The following PI4KA variants were observed in gnomAD, a reference collection of about 807,000 sequenced individuals.
PI4KA encodes phosphatidylinositol 4-kinase alpha, also known as PI4-kinase alpha.
Under a neutral mutation model 271.4 loss-of-function variants are expected in PI4KA, and 122 were observed. That is an observed-to-expected ratio of 0.45 (90% CI 0.39 to 0.52). The LOEUF is 0.52. PI4KA is among the 20% of genes least tolerant of loss of function. PI4KA has a pLI of 0.00. For synonymous variants in PI4KA, 1,041 were observed against 1,078.8 expected (o/e 0.96, Z 0.69); for missense variants, 1,969 against 2,769.1 (o/e 0.71, Z 6.48).
intron 29 of PI4KA, among the ~76,000 whole-genome samples, chr22:20,745,856 C>T (rs1929994395): frequency 6.6e-6 from 1 of 151,890 alleles, no homozygotes; most frequent in Non-Finnish European, 1.5e-5. Flanking sequence ...GTGGGCAGTG[C>T]AGGCCGGCTC....
intron 19 of PI4KA, chr22:20,774,042 T>C (rs770584068): frequency 6.6e-6 from 1 of 152,210 alleles, no homozygotes; most frequent in Non-Finnish European, 1.5e-5. Flanking sequence ...TTATTTACTT[T>C]GGAAAATATG....
intron 3 of PI4KA, among the ~76,000 whole-genome samples, chr22:20,831,227 T>G (rs1924117801): frequency 6.6e-6 from 1 of 151,894 alleles, no homozygotes; most frequent in African/African-American, 2.4e-5. Flanking sequence ...AAAGCTTAGT[T>G]TGACCGGATA....
In PI4KA at chr22:20,805,229, G is replaced by A. The variant is rs940570609; in HGVS notation, c.1169-64C>T. ...CTACAGTAGAACACAGGCAGTGCTA[G>A]CAGCGGCTACAGTCTTCCCCTTTTA... On this transcript the variant is annotated intron_variant, in intron 10 of 54. Transcript: ENST00000255882. 61 of 1,161,504 alleles carry A rather than the reference G, an allele frequency of 5.3e-5. 1 individual carries two copies. In the Middle Eastern group the frequency reaches 1.4e-3, roughly 26 times the overall value. 71.9% of individuals were successfully genotyped at this position (1,161,504 alleles called of 1,614,324 possible). A position where few individuals can be genotyped will look rare whatever the true frequency, so the allele number is the denominator to read the frequency against.
chr22:20,799,360 A>C (rs1935163824), intron 15 of PI4KA, 84 bp from the exon 16 acceptor site: 4 of 1,267,684 alleles, frequency 3.2e-6, no homozygotes, highest in Admixed American at 2.7e-5. Context: ...TACGATCTAG[A>C]CCTTAATTTC....
chr22:20,814,881 A>G (rs1017194313), intron 7 of PI4KA, among the ~76,000 whole-genome samples: 2 of 151,428 alleles, frequency 1.3e-5, no homozygotes, highest in Non-Finnish European at 2.9e-5. Flanking sequence ...CCCAGACCCA[A>G]TGCAGTGGCT....
In PI4KA at chr22:20,743,424, G is replaced by A. The variant is rs145903107; in HGVS notation, c.3457-660C>T. 6.5e-3 allele frequency among the ~76,000 whole-genome samples: 985 copies of A among 152,014 alleles called. 14 individuals are homozygous for A. The highest frequency in any genetic ancestry group is 0.023 in the African/African-American group (937 of 41,438). On this transcript the variant is annotated intron_variant, in intron 30 of 54. Transcript: ENST00000255882. ...CTCCCTAAGTGCTGGGATTACAGGC[G>A]TGAGCGGCCACACCCAGCCCTCCTT...
rs541406619 is a variant in PI4KA, at chr22:20,710,264, T to G, written c.6084-267A>C. 1.8e-5 allele frequency: 10 copies of G among 570,298 alleles called. No individual in the cohort carries two copies. In the South Asian group the frequency reaches 2.0e-4, roughly 11 times the overall value. The allele number at this position is 570,298 out of a possible 1,614,324, so 35.3% of individuals were successfully genotyped here. ...ACATAAGGCTGCCGGCCATGGCTTC[T>G]GCACTTGGGTGGGATGCAGACACGC... On this transcript the variant is annotated intron_variant, in intron 52 of 54. Transcript: ENST00000255882.
chr22:20,764,872 G>A lies in PI4KA; in HGVS notation c.2653C>T (p.Leu885=), dbSNP rs1601436390. 2 of 1,613,744 alleles carry A rather than the reference G, an allele frequency of 1.2e-6. No homozygotes were observed. Among genetic ancestry groups the A allele is most frequent in the Non-Finnish European group, 8.5e-7 (1 of 1,179,798 alleles). Residue 885 remains leucine (L), a synonymous_variant, in exon 22 of 55, where the codon CTG becomes TTG. Coordinates refer to ENST00000255882, the MANE Select transcript of PI4KA (RefSeq NM_058004.4). ...PPEVSALINK[L]DFAMSTYLLS... is the part of the protein sequence containing the mutation. ...AGGTAGGTGGACATGGCGAAGTCCAGCTTGTTGATGAGTGCGGACACCTCG... is the reference window on the plus strand; with the variant it reads ...AGGTAGGTGGACATGGCGAAGTCCAACTTGTTGATGAGTGCGGACACCTCG...
At chr22:20,708,353 CG>C (rs1377255573) in intron 54 of PI4KA, among the ~76,000 whole-genome samples, 1 of 152,024 alleles carries the variant, frequency 6.6e-6, no homozygotes, top group Non-Finnish European at 1.5e-5. Context: ...CCATGGGACT[CG>C]GGCCCCTTGG....
chr22:20,762,152 T>A (rs566390214), intron 22 of PI4KA, among the ~76,000 whole-genome samples: 1 of 152,158 alleles, frequency 6.6e-6, no homozygotes, highest in Non-Finnish European at 1.5e-5. Context: ...ACTTGTCCCA[T>A]GGGTGCTGTG....
intron 19 of PI4KA, among the ~76,000 whole-genome samples, chr22:20,790,694 A>C (rs1398330292): frequency 1.1e-5 from 1 of 93,960 alleles, no homozygotes; most frequent in Non-Finnish European, 2.1e-5. Context: ...AATTTAAAAA[A>C]AACAAACACA....
At chr22:20,833,655 TTG>T (rs367569723) in intron 3 of PI4KA, among the ~76,000 whole-genome samples, 49,036 of 138,052 alleles carry the variant, frequency 0.36, 7,706 homozygotes, top group African/African-American at 0.45. Flanking sequence ...TGGTTTGTTT[TTG>T]TTTTTTTTTT....
intron 7 of PI4KA, among the ~76,000 whole-genome samples, chr22:20,815,379 C>CAAAA (rs361826): frequency 4.1e-3 from 342 of 83,626 alleles, no homozygotes; most frequent in Non-Finnish European, 4.6e-3. Context: ...GACTGCGTCT[C>CAAAA]AAAAAAAAAA....
intron 20 of PI4KA, 32 bp from the exon 21 acceptor site, chr22:20,765,268 A>G (rs1165440000): frequency 1.9e-6 from 3 of 1,573,870 alleles, no homozygotes; most frequent in Non-Finnish European, 8.7e-7. Flanking sequence ...TGAGGAAATC[A>G]CCTTGGTCGG....
intron 19 of PI4KA, among the ~76,000 whole-genome samples, chr22:20,773,324 T>C (rs1297728847): frequency 1.3e-5 from 2 of 152,152 alleles, no homozygotes; most frequent in Non-Finnish European, 2.9e-5. Flanking sequence ...AGACAGAGGT[T>C]GCAGTGAGCT....
At chr22:20,717,266 T>C (rs914871261) in intron 45 of PI4KA, among the ~76,000 whole-genome samples, 24 of 152,192 alleles carry the variant, frequency 1.6e-4, no homozygotes, top group Non-Finnish European at 2.8e-4. Flanking sequence ...TGAATTCCCA[T>C]GTGGCCACAG....
At chr22:20,720,427 C>T (rs1926599696) in intron 43 of PI4KA, among the ~76,000 whole-genome samples, 1 of 152,104 alleles carries the variant, frequency 6.6e-6, no homozygotes, top group Non-Finnish European at 1.5e-5. Context: ...TGGCGTGCAC[C>T]TATAGTCTCA....
intron 4 of PI4KA, among the ~76,000 whole-genome samples, chr22:20,823,039 G>A (rs555333924): frequency 3.9e-5 from 6 of 151,940 alleles, no homozygotes; most frequent in Admixed American, 6.6e-5. Context: ...TCAGCCTCCC[G>A]AGTAGCTAGG....
At chr22:20,805,519 AT>A (rs372372984) in intron 10 of PI4KA, among the ~76,000 whole-genome samples, 5 of 151,652 alleles carry the variant, frequency 3.3e-5, no homozygotes, top group Non-Finnish European at 5.9e-5. Context: ...TACTTCTGTG[AT>A]TTTTTTTTCT....
Sources: gnomAD v4.1 joint callset for allele counts (sites outside exome capture counted in the v4.1 genomes callset) on GRCh38, gnomAD v4.1.1 for gene constraint, MANE v1.5 for transcripts, NCBI Gene and HGNC (gene_info 2026-07-23, HGNC 2026-07-21) for gene names.